The following MIXL1 variants were observed in gnomAD, a reference collection of about 807,000 sequenced individuals.
The protein encoded by MIXL1 is homeobox protein MIXL1.
MIXL1 carries 9 observed loss-of-function variants against 9.3 expected under a neutral mutation model. The observed-to-expected ratio is 0.97, with a 90% CI of 0.58 to 1.69. The LOEUF is 1.69. Among genes scored for constraint, MIXL1 ranks in the 40% most tolerant of loss-of-function variants. MIXL1 has a pLI of 0.00. For missense variants in MIXL1, 330 were observed against 331.7 expected (o/e 0.99, Z 0.04); for synonymous variants, 164 against 155.6 (o/e 1.05, Z -0.40).
intron 1 of MIXL1, among the ~76,000 whole-genome samples, chr1:226,224,953 T>G (rs552411874): frequency 3.9e-5 from 6 of 152,168 alleles, no homozygotes; most frequent in Non-Finnish European, 8.8e-5. Context: ...CTAAAGTAAT[T>G]TAGATCAGAA....
At position 226,224,028 on chromosome 1, in the gene MIXL1, G is replaced by A; in HGVS notation, c.347G>A (p.Arg116His). The A allele has an allele frequency of 1.4e-6, 2 of 1,415,266 alleles. No homozygotes were observed. Among genetic ancestry groups the A allele is most frequent in the Non-Finnish European group, 1.9e-6 (2 of 1,071,846 alleles). The allele number at this position is 1,415,266 out of a possible 1,614,324, so 87.7% of individuals were successfully genotyped here. A position where few individuals can be genotyped will look rare whatever the true frequency, so the allele number is the denominator to read the frequency against. Reference sequence around the variant, plus strand: ...ACCCGGTACCCCGACATCCACTTGCGCGAGCGCCTGGCCGCGCTCACCCTG... The same window carrying A: ...ACCCGGTACCCCGACATCCACTTGCACGAGCGCCTGGCCGCGCTCACCCTG... ...RRTRYPDIHL[R>H]ERLAALTLLP... is the part of the protein sequence containing the mutation. Residue 116 changes from arginine (R) to histidine (H), a missense_variant, in exon 1 of 2, where the codon CGC becomes CAC. By Grantham distance (29) the Arg-to-His change is conservative (BLOSUM62 0). Transcript: ENST00000366810.
chr1:226,225,928 T>A lies in MIXL1; in HGVS notation c.*116T>A. The A allele has an allele frequency of 1.1e-6, 1 of 886,888 alleles. No individual in the cohort carries two copies. The highest frequency in any genetic ancestry group is 1.7e-6 in the Non-Finnish European group (1 of 573,508). The allele number at this position is 886,888 out of a possible 1,614,324, so 54.9% of individuals were successfully genotyped here. A position where few individuals can be genotyped will look rare whatever the true frequency, so the allele number is the denominator to read the frequency against. On this transcript the variant is annotated 3_prime_UTR_variant, in exon 2 of 2. Transcript: ENST00000366810. ...TGCTAAGGACATGTCCTTGTTAACC[T>A]TGATGATGGTTTTGACAGCACCTCT...
In MIXL1 at chr1:226,225,897, C is replaced by A; in HGVS notation, c.*85C>A. On this transcript the variant is annotated 3_prime_UTR_variant, in exon 2 of 2. Transcript: ENST00000366810. ...CACATCAGCATACTGTCCTTTCTGA[C>A]TTCCATGCTAAGGACATGTCCTTGT... The A allele has an allele frequency of 1.8e-6, 2 of 1,113,222 alleles. No homozygotes were observed. The highest frequency in any genetic ancestry group is 2.6e-6 in the Non-Finnish European group (2 of 770,954). The allele number at this position is 1,113,222 out of a possible 1,614,324, so 69.0% of individuals were successfully genotyped here. A position where few individuals can be genotyped will look rare whatever the true frequency, so the allele number is the denominator to read the frequency against.
At position 226,225,644 on chromosome 1, in the gene MIXL1, T is replaced by TAGA; in HGVS notation, c.531_532insAGA (p.Leu177_Glu178insArg). On this transcript the variant is annotated inframe_insertion, in exon 2 of 2. Coordinates refer to ENST00000366810, the MANE Select transcript of MIXL1 (RefSeq NM_031944.3). ...AATGTCTGAAGCCCCAGCTGCCTCTTGAGGTAGATGTGAACTGCCTGCCCG... is the reference window on the plus strand; with the variant it reads ...AATGTCTGAAGCCCCAGCTGCCTCTTAGAGAGGTAGATGTGAACTGCCTGCCCG... The TAGA allele has an allele frequency of 6.2e-7, 1 of 1,614,162 alleles. No homozygotes were observed. Among genetic ancestry groups the TAGA allele is most frequent in the African/African-American group, 1.3e-5 (1 of 75,056 alleles).
Position 226,223,670 on chromosome 1 carries a change from G to T in MIXL1, c.-12G>T. The T allele has an allele frequency of 1.0e-5, 14 of 1,385,420 alleles. No individual in the cohort carries two copies. Among genetic ancestry groups the T allele is most frequent in the South Asian group, 1.7e-5 (1 of 59,316 alleles). 85.8% of individuals were successfully genotyped at this position (1,385,420 alleles called of 1,614,324 possible). On this transcript the variant is annotated 5_prime_UTR_variant, in exon 1 of 2. Transcript: ENST00000366810. ...CCGCGCCCCTCCGAGCGGCGCGCTGGGTTCCGGAGCGATGGCCACAGCCGA... is the reference window on the plus strand; with the variant it reads ...CCGCGCCCCTCCGAGCGGCGCGCTGTGTTCCGGAGCGATGGCCACAGCCGA...
chr1:226,224,111 C>T (rs1372745157), intron 1 of MIXL1, 37 bp downstream of exon 1: 16 of 1,264,946 alleles, frequency 1.3e-5, no homozygotes, highest in Non-Finnish European at 1.6e-5. Flanking sequence ...CGCGCTGGAG[C>T]GGAGGCGCTG....
Position 226,224,065 on chromosome 1 carries a change from C to G in MIXL1, c.384C>G (p.Ser128=). The change falls in exon 1 of 2, where the codon TCC becomes TCG. Residue 128 remains serine, a synonymous_variant. Transcript: ENST00000366810. ...RLAALTLLPE[S]RIQVWFQNRR... is the part of the protein sequence containing the mutation. Reference sequence around the variant, plus strand: ...CCGCGCTCACCCTGCTCCCCGAGTCCAGGATCCAGGTGAGGGCCCGCTGCG... The same window carrying G: ...CCGCGCTCACCCTGCTCCCCGAGTCGAGGATCCAGGTGAGGGCCCGCTGCG... The G allele has an allele frequency of 7.4e-7, 1 of 1,346,336 alleles. No individual in the cohort carries two copies. The highest frequency in any genetic ancestry group is 9.6e-7 in the Non-Finnish European group (1 of 1,038,556). 83.4% of individuals were successfully genotyped at this position (1,346,336 alleles called of 1,614,324 possible). A position where few individuals can be genotyped will look rare whatever the true frequency, so the allele number is the denominator to read the frequency against.
Position 226,225,749 on chromosome 1 carries a change from A to C in MIXL1, c.636A>C (p.Glu212Asp). 6.2e-7 allele frequency: 1 copy of C among 1,614,174 alleles called. No homozygotes were observed. Among genetic ancestry groups the C allele is most frequent in the Non-Finnish European group, 8.5e-7 (1 of 1,180,020 alleles). Residue 212 changes from glutamate to aspartate, a missense_variant, in exon 2 of 2, where the codon GAA (glutamate) becomes GAC (aspartate). Glu to Asp is a conservative substitution (Grantham distance 45, BLOSUM62 2). Transcript: ENST00000366810. ...TTGAAACCTGTTCCCCTCTCTCTGAAGACATTGGTTCAAAGCTGGACTCAT... is the reference window on the plus strand; with the variant it reads ...TTGAAACCTGTTCCCCTCTCTCTGACGACATTGGTTCAAAGCTGGACTCAT... ...QNFETCSPLS[E>D]DIGSKLDSWE...
At position 226,226,002 on chromosome 1, in the gene MIXL1, A is replaced by C. The variant is rs1252810509; in HGVS notation, c.*190A>C. 4 of 580,016 alleles carry C rather than the reference A, an allele frequency of 6.9e-6. No homozygotes were observed. Among genetic ancestry groups the C allele is most frequent in the Non-Finnish European group, 9.1e-6 (3 of 328,972 alleles). The allele number at this position is 580,016 out of a possible 1,614,324, so 35.9% of individuals were successfully genotyped here. ...TTTGTCAATGACGTTTTAAGCCCAC[A>C]CTCCCACCCCAGAGTTCCCGCATTC... On this transcript the variant is annotated 3_prime_UTR_variant, in exon 2 of 2. Coordinates refer to ENST00000366810, the MANE Select transcript of MIXL1 (RefSeq NM_031944.3).
At position 226,223,921 on chromosome 1, in the gene MIXL1, C is replaced by T. The variant is rs1657083581; in HGVS notation, c.240C>T (p.Ala80=). The change falls in exon 1 of 2, where the codon GCC becomes GCT. Residue 80 remains alanine (A), a synonymous_variant. Coordinates refer to ENST00000366810, the MANE Select transcript of MIXL1 (RefSeq NM_031944.3). ...LGSPAPPKGA[A]APSASQRRKR... The stretch of plus-strand genomic sequence containing the variant: ...CGCCTGCGCCCCCCAAAGGCGCGGC[C>T]GCCCCGTCGGCGTCGCAGCGCCGCA... The T allele has an allele frequency of 2.9e-6, 4 of 1,372,650 alleles. No homozygotes were observed. Among genetic ancestry groups the T allele is most frequent in the Non-Finnish European group, 3.8e-6 (4 of 1,054,134 alleles). 85.0% of individuals were successfully genotyped at this position (1,372,650 alleles called of 1,614,324 possible). A position where few individuals can be genotyped will look rare whatever the true frequency, so the allele number is the denominator to read the frequency against.
rs139704362 is a variant in MIXL1 at position 226,226,547 on chromosome 1, C to T, written c.*735C>T. ...TATAAAACTTAGCTGGGCACGGTGACGGGAGCCTGTAGTCCCAGCTACTCA... is the reference window on the plus strand; with the variant it reads ...TATAAAACTTAGCTGGGCACGGTGATGGGAGCCTGTAGTCCCAGCTACTCA... On this transcript the variant is annotated 3_prime_UTR_variant, in exon 2 of 2. Coordinates refer to ENST00000366810, the MANE Select transcript of MIXL1 (RefSeq NM_031944.3). The T allele has an allele frequency of 3.2e-3, 492 of 151,942 alleles. 1 individual carries two copies. The highest frequency in any genetic ancestry group is 4.1e-3 in the Non-Finnish European group (281 of 68,022). The allele number at this position is 151,942 out of a possible 1,614,324, so 9.4% of individuals were successfully genotyped here. A position where few individuals can be genotyped will look rare whatever the true frequency, so the allele number is the denominator to read the frequency against.
At chr1:226,224,105 C>G (rs1657093414) in intron 1 of MIXL1, 31 bp downstream of exon 1, 2 of 1,275,036 alleles carry the variant, frequency 1.6e-6, no homozygotes, top group East Asian at 3.0e-5. Flanking sequence ...CAAGTGCGCG[C>G]TGGAGCGGAG....
chr1:226,223,724 G>A lies in MIXL1; in HGVS notation c.43G>A (p.Ala15Thr), dbSNP rs1455427393. Residue 15 changes from alanine (A) to threonine (T), a missense_variant, in exon 1 of 2, where the codon GCC becomes ACC. Coordinates refer to ENST00000366810, the MANE Select transcript of MIXL1 (RefSeq NM_031944.3). ...CCGTGCGCTCCAGTTTGCCGAGGGC[G>A]CCGCGTTTCCAGCGTACCGGGCCCC... ...ESRALQFAEG[A>T]AFPAYRAPHA... 2.7e-6 allele frequency: 4 copies of A among 1,461,642 alleles called. No individual in the cohort carries two copies. Among genetic ancestry groups the A allele is most frequent in the South Asian group, 1.3e-5 (1 of 75,362 alleles). 90.5% of individuals were successfully genotyped at this position (1,461,642 alleles called of 1,614,324 possible).
rs1241364766 is a variant in MIXL1 at position 226,226,665 on chromosome 1, G to A, written c.*853G>A. 8.2e-6 allele frequency: 1 copy of A among 122,474 alleles called. No homozygotes were observed. Among genetic ancestry groups the A allele is most frequent in the East Asian group, 2.4e-4 (1 of 4,168 alleles). The allele number at this position is 122,474 out of a possible 1,614,324, so 7.6% of individuals were successfully genotyped here. Reference sequence around the variant, plus strand: ...CTGCACTTCAGCCTGGGAGACAGAGGGAGGCTCTCAAAAAAAAAAAAAAAA... The same window carrying A: ...CTGCACTTCAGCCTGGGAGACAGAGAGAGGCTCTCAAAAAAAAAAAAAAAA... On this transcript the variant is annotated 3_prime_UTR_variant, in exon 2 of 2. Coordinates refer to ENST00000366810, the MANE Select transcript of MIXL1 (RefSeq NM_031944.3).
chr1:226,225,558 T>C lies in MIXL1; in HGVS notation c.445T>C (p.Phe149Leu). 1 of 1,614,248 alleles carries C rather than the reference T, an allele frequency of 6.2e-7. No individual in the cohort carries two copies. Residue 149 changes from phenylalanine (F) to leucine (L), a missense_variant, in exon 2 of 2, where the codon TTC becomes CTC. Transcript: ENST00000366810. ...GTCTCGGCGTCAGAGTGGGAAATCC[T>C]TCCAACCTTTGGCTAGGCCGGAGAT... is the stretch of plus-strand genomic sequence containing the variant. ...AKSRRQSGKSFQPLARPEIIL... is the reference protein window; with the variant it reads ...AKSRRQSGKSLQPLARPEIIL...
chr1:226,225,717 C>A lies in MIXL1; in HGVS notation c.604C>A (p.Gln202Lys). Residue 202 changes from glutamine (Q) to lysine (K), a missense_variant, in exon 2 of 2, where the codon CAG becomes AAG. Transcript: ENST00000366810. Reference protein sequence around the residue: ...GGISDSSSQGQNFETCSPLSE... With the variant: ...GGISDSSSQGKNFETCSPLSE... ...CATCTCTGACTCTAGCTCCCAAGGT[C>A]AGAATTTTGAAACCTGTTCCCCTCT... The A allele has an allele frequency of 6.2e-7, 1 of 1,614,124 alleles. No homozygotes were observed. The highest frequency in any genetic ancestry group is 1.1e-5 in the South Asian group (1 of 91,074).
In MIXL1 at chr1:226,225,911, A is replaced by G. The variant is rs1576258955; in HGVS notation, c.*99A>G. On this transcript the variant is annotated 3_prime_UTR_variant, in exon 2 of 2. Transcript: ENST00000366810. ...GTCCTTTCTGACTTCCATGCTAAGG[A>G]CATGTCCTTGTTAACCTTGATGATG... is the stretch of plus-strand genomic sequence containing the variant. The G allele has an allele frequency of 1.0e-6, 1 of 994,844 alleles. No homozygotes were observed. The highest frequency in any genetic ancestry group is 1.5e-6 in the Non-Finnish European group (1 of 668,144). 61.6% of individuals were successfully genotyped at this position (994,844 alleles called of 1,614,324 possible). A position where few individuals can be genotyped will look rare whatever the true frequency, so the allele number is the denominator to read the frequency against.
Position 226,224,000 on chromosome 1 carries a change from C to T in MIXL1, c.319C>T (p.Arg107Trp), listed in dbSNP as rs747957426. The stretch of plus-strand genomic sequence containing the variant: ...GCAGCTGCTGGAGCTCGTCTTCCGC[C>T]GGACCCGGTACCCCGACATCCACTT... ...QLQLLELVFR[R>W]TRYPDIHLRE... Residue 107 changes from arginine (R) to tryptophan (W), a missense_variant, in exon 1 of 2, where the codon CGG (arginine) becomes TGG (tryptophan). Physicochemically the swap from Arg to Trp is moderately radical, Grantham distance 101. Coordinates refer to ENST00000366810, the MANE Select transcript of MIXL1 (RefSeq NM_031944.3). The T allele has an allele frequency of 1.3e-4, 193 of 1,446,560 alleles. 5 individuals are homozygous for T. The South Asian group carries it at 2.2e-3, about 17-fold the overall frequency. The allele number at this position is 1,446,560 out of a possible 1,614,324, so 89.6% of individuals were successfully genotyped here. A position where few individuals can be genotyped will look rare whatever the true frequency, so the allele number is the denominator to read the frequency against.
In MIXL1 at chr1:226,223,810, G is replaced by A. The variant is rs1244437035; in HGVS notation, c.129G>A (p.Pro43=). Residue 43 remains proline (P), a synonymous_variant, in exon 1 of 2, where the codon CCG becomes CCA. Coordinates refer to ENST00000366810, the MANE Select transcript of MIXL1 (RefSeq NM_031944.3). The part of the protein sequence containing the change: ...PSPAAALLPA[P]PAGPGPATFA... Reference sequence around the variant, plus strand: ...CTGCGGCAGCCCTGCTCCCTGCGCCGCCCGCGGGCCCCGGCCCAGCGACCT... The same window carrying A: ...CTGCGGCAGCCCTGCTCCCTGCGCCACCCGCGGGCCCCGGCCCAGCGACCT... The A allele has an allele frequency of 1.6e-6, 2 of 1,227,434 alleles. No individual in the cohort carries two copies. Among genetic ancestry groups the A allele is most frequent in the Admixed American group, 4.3e-5 (1 of 23,508 alleles). 76.0% of individuals were successfully genotyped at this position (1,227,434 alleles called of 1,614,324 possible).
Sources: gnomAD v4.1 joint callset for allele counts (sites outside exome capture counted in the v4.1 genomes callset) on GRCh38, gnomAD v4.1.1 for gene constraint, MANE v1.5 for transcripts, NCBI Gene and HGNC (gene_info 2026-07-23, HGNC 2026-07-21) for gene names.